The following CUBN variants were observed in gnomAD, a reference collection of about 807,000 sequenced individuals.
The protein encoded by CUBN is cubilin.
CUBN carries 282 observed loss-of-function variants against 405.3 expected under a neutral mutation model. The ratio of observed to expected loss-of-function variants is 0.70; its 90% CI spans 0.63 to 0.77. The LOEUF (loss-of-function observed/expected upper bound fraction) is 0.77, where lower values mean the gene tolerates loss of function less well. Among genes scored for constraint, CUBN ranks in the 30% least tolerant of loss-of-function variants. CUBN has a pLI of 0.00. For missense variants in CUBN, 4,514 were observed against 4,475.2 expected (o/e 1.01, Z -0.25); for synonymous variants, 1,684 against 1,617.0 (o/e 1.04, Z -0.99).
intron 13 of CUBN, among the ~76,000 whole-genome samples, chr10:17,102,253 CTATTTATTTATTTATTTATTTATTTATT>C (rs58806014): frequency 2.1e-5 from 3 of 144,250 alleles, no homozygotes; most frequent in Admixed American, 6.9e-5. Flanking sequence ...GAGGATCCTC[CTATTTATTTATTTATTTATTTATTTATT>C]TATTTATTTA....
At chr10:16,991,689 C>T (rs1340734845) in intron 28 of CUBN, among the ~76,000 whole-genome samples, 2 of 134,488 alleles carry the variant, frequency 1.5e-5, no homozygotes, top group Non-Finnish European at 3.2e-5. Context: ...ATTACCTTCT[C>T]TTATTCTTCA....
chr10:16,888,065 A>C (rs1840873610), intron 56 of CUBN, among the ~76,000 whole-genome samples: 1 of 152,188 alleles, frequency 6.6e-6, no homozygotes, highest in Non-Finnish European at 1.5e-5. Flanking sequence ...TGGTTACCAG[A>C]GGCTGGTAGG....
chr10:16,995,884 G>C (rs1362571266), intron 28 of CUBN, among the ~76,000 whole-genome samples: 1 of 151,938 alleles, frequency 6.6e-6, no homozygotes, highest in Non-Finnish European at 1.5e-5. Flanking sequence ...TCATGACAAC[G>C]GGAGGCAGGT....
rs1255722631 is a variant in CUBN at position 16,851,234 on chromosome 10, C to A, written c.9663+1G>T. 1.9e-6 allele frequency: 3 copies of A among 1,610,280 alleles called. No individual in the cohort carries two copies. Among genetic ancestry groups the A allele is most frequent in the Non-Finnish European group, 2.5e-6 (3 of 1,176,812 alleles). On this transcript the variant is annotated splice_donor_variant, in intron 60 of 66. Transcript: ENST00000377833. LOFTEE classifies it high-confidence loss of function. ...CTGTTAAAAAAATAAAACAGCCTTA[C>A]CTTTACATAATCATAAAGGCATCTT...
rs114942307 is a variant in CUBN at position 16,875,248 on chromosome 10, A to C, written c.9107-745T>G. On this transcript the variant is annotated intron_variant, in intron 57 of 66. Transcript: ENST00000377833. ...ATAAAACGACAGACATAAAAATGTA[A>C]TAAAGCCTTCTTATCCACAATATAA... 5.9e-3 allele frequency among the ~76,000 whole-genome samples: 892 copies of C among 152,282 alleles called. 3 individuals carry two copies. Among genetic ancestry groups the C allele is most frequent in the African/African-American group, 0.02 (836 of 41,556 alleles).
intron 29 of CUBN, among the ~76,000 whole-genome samples, chr10:16,986,942 T>C (rs181447500): frequency 2.6e-5 from 4 of 152,278 alleles, no homozygotes; most frequent in Non-Finnish European, 5.9e-5. Flanking sequence ...ATCACAAACA[T>C]AATGGGTATG....
At position 16,869,729 on chromosome 10, in the gene CUBN, C is replaced by A; in HGVS notation, c.9361G>T (p.Val3121Leu). ...KFCGSKRPPN[V>L]KSSNNSMLLV... is the part of the protein sequence containing the mutation. The stretch of plus-strand genomic sequence containing the variant: ...AGCATACTATTATTGCTGCTCTTCA[C>A]ATTTGGTGGGCGCTTGGAACCGCAG... The change falls in exon 59 of 67, where the codon GTG becomes TTG. Residue 3121 changes from valine (V) to leucine (L), a missense_variant. Val to Leu is a conservative substitution (Grantham distance 32, BLOSUM62 1). Transcript: ENST00000377833. 9.3e-6 allele frequency: 15 copies of A among 1,614,124 alleles called. No homozygotes were observed. The highest frequency in any genetic ancestry group is 1.3e-5 in the Non-Finnish European group (15 of 1,179,986).
At chr10:16,907,822 C>A (rs1841598801) in intron 48 of CUBN, 143 bp from the exon 49 acceptor site, 2 of 820,884 alleles carry the variant, frequency 2.4e-6, no homozygotes, top group African/African-American at 3.4e-5. Flanking sequence ...AGGTTTCTAT[C>A]GCAGTGCCAC....
At chr10:17,014,863 G>T (rs1374360127) in intron 28 of CUBN, among the ~76,000 whole-genome samples, 1 of 152,204 alleles carries the variant, frequency 6.6e-6, no homozygotes, top group African/African-American at 2.4e-5. Context: ...TGTGGTCTGT[G>T]GTATCCTCAA....
chr10:16,982,558 G>A lies in CUBN; in HGVS notation c.4621C>T (p.Arg1541Trp), dbSNP rs146824506. 92 of 1,613,720 alleles carry A rather than the reference G, an allele frequency of 5.7e-5. No homozygotes were observed. The highest frequency in any genetic ancestry group is 7.2e-5 in the Non-Finnish European group (85 of 1,179,718). ...RSNTDCSWVI[R>W]VDRNHRVLLN... The stretch of plus-strand genomic sequence containing the variant: ...AGAACACGATGATTTCTGTCAACCC[G>A]AATGACCCAAGAACAGTCTGTGTTG... The change falls in exon 31 of 67, where the codon CGG (arginine) becomes TGG (tryptophan). Residue 1541 changes from arginine (R) to tryptophan (W), a missense_variant. Around this residue, in one of 5 missense-constraint regions of CUBN, gnomAD observed 1,613 missense variants for 1,542.8 expected, o/e 1.05. Transcript: ENST00000377833.
Position 16,927,344 on chromosome 10 carries a change from G to C in CUBN, c.6271+813C>G, listed in dbSNP as rs546675921. Among the ~76,000 whole-genome samples, 223 of 152,218 alleles carry C rather than the reference G, an allele frequency of 1.5e-3. 1 individual carries two copies. The highest frequency in any genetic ancestry group is 2.8e-3 in the Non-Finnish European group (191 of 68,008). Reference sequence around the variant, plus strand: ...ATCTCACACAGCTAGTTAAATTGTAGAGGTGAAAATGTATCTTAGGTCTAG... The same window carrying C: ...ATCTCACACAGCTAGTTAAATTGTACAGGTGAAAATGTATCTTAGGTCTAG... On this transcript the variant is annotated intron_variant, in intron 41 of 66. Coordinates refer to ENST00000377833, the MANE Select transcript of CUBN (RefSeq NM_001081.4).
At chr10:16,960,237 A>T (rs532335295) in intron 31 of CUBN, among the ~76,000 whole-genome samples, 1 of 152,364 alleles carries the variant, frequency 6.6e-6, no homozygotes, top group South Asian at 2.1e-4. Context: ...CACGCCTGTA[A>T]TCCCAGCACT....
chr10:16,869,015 C>A (rs73592317), intron 59 of CUBN, among the ~76,000 whole-genome samples: 9,649 of 152,098 alleles, frequency 0.063, 1,011 homozygotes, highest in African/African-American at 0.22. Flanking sequence ...TTCTGCCTTC[C>A]GTCTCTCAGA....
intron 53 of CUBN, 49 bp from the exon 54 acceptor site, chr10:16,899,232 T>C: frequency 6.8e-7 from 1 of 1,464,816 alleles, no homozygotes; most frequent in Non-Finnish European, 9.6e-7. Flanking sequence ...GAAAGTAATT[T>C]TGGAAACTCA....
intron 22 of CUBN, among the ~76,000 whole-genome samples, chr10:17,055,917 A>G (rs1213064664): frequency 1.3e-5 from 2 of 152,154 alleles, no homozygotes; most frequent in East Asian, 3.8e-4. Context: ...AGCTGATTCT[A>G]AAATGAATAT....
chr10:16,870,562 T>C lies in CUBN; in HGVS notation c.9237-709A>G, dbSNP rs565935449. Among the ~76,000 whole-genome samples the C allele has an allele frequency of 2.6e-5, 4 of 152,320 alleles. No homozygotes were observed. In the South Asian group the frequency reaches 6.2e-4, roughly 24 times the overall value. ...CAGAAATGTAAGCAGAAGGGATACA[T>C]ATTACTTTACGGAAGAAGCTTTACA... On this transcript the variant is annotated intron_variant, in intron 58 of 66. Transcript: ENST00000377833.
chr10:17,095,822 T>G (rs1836361279), intron 14 of CUBN, among the ~76,000 whole-genome samples: 1 of 152,086 alleles, frequency 6.6e-6, no homozygotes, highest in Non-Finnish European at 1.5e-5. Context: ...TCACAATACA[T>G]TCATACATTC....
Position 16,950,100 on chromosome 10 carries a change from T to A in CUBN, c.4981A>T (p.Thr1661Ser). ...AGTTCAAAGTGGGTAAAAGAGAGGG[T>A]GATATGATTTACTGGAAGAAAAAAG... ...IQAQPPLNHI[T>S]LSFTHFELER... Residue 1661 changes from threonine to serine, a missense_variant, in exon 34 of 67, where the codon ACC (threonine) becomes TCC (serine). By Grantham distance (58) the Thr-to-Ser change is moderately conservative. This residue lies in a region of CUBN where 1,613 missense variants were observed against 1,542.8 expected (regional missense o/e 1.05). Transcript: ENST00000377833. 6.2e-7 allele frequency: 1 copy of A among 1,612,350 alleles called. No individual in the cohort carries two copies. The highest frequency in any genetic ancestry group is 8.5e-7 in the Non-Finnish European group (1 of 1,178,910).
At chr10:16,883,293 C>G (rs1401081427) in intron 56 of CUBN, among the ~76,000 whole-genome samples, 1 of 152,158 alleles carries the variant, frequency 6.6e-6, no homozygotes, top group Non-Finnish European at 1.5e-5. Context: ...GAAGGCCAAA[C>G]AAATTAAAGC....
Sources: gnomAD v4.1 joint callset for allele counts (sites outside exome capture counted in the v4.1 genomes callset) on GRCh38, gnomAD v4.1.1 for gene constraint, gnomAD v4.1.1 regional missense constraint, MANE v1.5 for transcripts, NCBI Gene and HGNC (gene_info 2026-07-23, HGNC 2026-07-21) for gene names.